Variants in EHD1 observed in about 807,000 individuals in gnomAD.
The protein encoded by EHD1 is EH domain containing 1.
EHD1 carries 19 observed loss-of-function variants against 39.0 expected under a neutral mutation model. The observed-to-expected ratio is 0.49, with a 90% CI of 0.34 to 0.72. EHD1 has a LOEUF of 0.72. Among genes scored for constraint, EHD1 ranks in the 30% least tolerant of loss-of-function variants. EHD1 has a pLI of 0.01. For synonymous variants in EHD1, 323 were observed against 331.2 expected, an observed-to-expected ratio of 0.98 and a Z score of 0.27; for missense variants, 542 against 751.5, an observed-to-expected ratio of 0.72 and a Z score of 3.26.
At chr11:64,859,518 T>TCAAATA (rs1450106528) in intron 3 of EHD1, 1 of 163,536 alleles carries the variant, frequency 6.1e-6, no homozygotes, top group Non-Finnish European at 1.3e-5. Flanking sequence ...AGTCTCCGCT[T>TCAAATA]CAAAAACAAA....
Position 64,855,388 on chromosome 11 carries a change from G to C in EHD1, c.1014C>G (p.Ile338Met). 3 of 1,614,170 alleles carry C rather than the reference G, an allele frequency of 1.9e-6. No individual in the cohort carries two copies. The highest frequency in any genetic ancestry group is 2.5e-6 in the Non-Finnish European group (3 of 1,180,020). ...GGTGCTCGCGCTCAATCTTCTGGTA[G>C]ATCTCTCCGAGGTTGTTCACCAGCT... ...KKELVNNLGE[I>M]YQKIEREHQI... The change falls in exon 4 of 5, where the codon ATC becomes ATG. Residue 338 changes from isoleucine to methionine, a missense_variant. Ile to Met is a conservative substitution (Grantham distance 10). Transcript: ENST00000320631.
chr11:64,859,741 A>T, intron 3 of EHD1, 183 bp downstream of exon 3: 1 of 825,392 alleles, frequency 1.2e-6, no homozygotes, highest in Non-Finnish European at 1.8e-6. Flanking sequence ...AATCTTAGTT[A>T]AGAGCAGGCT....
chr11:64,867,350 C>T (rs565466784), intron 2 of EHD1, among the ~76,000 whole-genome samples: 8 of 150,376 alleles, frequency 5.3e-5, no homozygotes, highest in Non-Finnish European at 1.0e-4. Context: ...ATTTGGGAGG[C>T]AGAGGCTGCA....
chr11:64,878,893 G>A, upstream of EHD1: 2 of 1,042,150 alleles, frequency 1.9e-6, no homozygotes, highest in Non-Finnish European at 2.3e-6. Flanking sequence ...AGGAAGGCGA[G>A]GAGCGGGCGT....
At chr11:64,863,047 T>G (rs1157007811) in intron 2 of EHD1, among the ~76,000 whole-genome samples, 3 of 152,186 alleles carry the variant, frequency 2.0e-5, no homozygotes, top group African/African-American at 4.8e-5. Flanking sequence ...TCTGCCTGAT[T>G]CTGGGCAAGC....
chr11:64,855,160 G>A (rs1943636164), intron 4 of EHD1, 162 bp downstream of exon 4: 2 of 1,179,102 alleles, frequency 1.7e-6, no homozygotes, highest in Non-Finnish European at 2.3e-6. Context: ...GTCACCGCCT[G>A]GGTCAACTCT....
In EHD1 at chr11:64,874,536, C is replaced by A. The variant is rs1003092944; in HGVS notation, c.405-18G>T. 6.3e-7 allele frequency: 1 copy of A among 1,583,182 alleles called. No individual in the cohort carries two copies. Among genetic ancestry groups the A allele is most frequent in the Non-Finnish European group, 8.6e-7 (1 of 1,164,318 alleles). ...ACATGAACCTACATGAGAGCAAGAGCCAGAAGAGAGGCGTCAAGACACAGT... is the reference window on the plus strand; with the variant it reads ...ACATGAACCTACATGAGAGCAAGAGACAGAAGAGAGGCGTCAAGACACAGT... On this transcript the variant is annotated intron_variant, in intron 1 of 4. Coordinates refer to ENST00000320631, the MANE Select transcript of EHD1 (RefSeq NM_006795.4).
chr11:64,860,689 A>AG, intron 2 of EHD1, among the ~76,000 whole-genome samples: 1 of 146,150 alleles, frequency 6.8e-6, no homozygotes, highest in East Asian at 2.0e-4. Flanking sequence ...ACCGCACTCT[A>AG]GCCTGGGTAA....
intron 4 of EHD1, chr11:64,855,118 G>C: frequency 1.1e-6 from 1 of 932,802 alleles, no homozygotes; most frequent in Non-Finnish European, 1.6e-6. Flanking sequence ...CCCCCACCAC[G>C]CAGGGTGAGT....
At chr11:64,863,901 G>A (rs980967664) in intron 2 of EHD1, among the ~76,000 whole-genome samples, 2 of 152,262 alleles carry the variant, frequency 1.3e-5, no homozygotes, top group African/African-American at 4.8e-5. Context: ...GGAGCACTGG[G>A]CCTCCAGCCC....
rs1422999914 is a variant in EHD1, at chr11:64,854,766, G to A, written c.1172C>T (p.Ala391Val). The change falls in exon 5 of 5, where the codon GCG becomes GTG. Residue 391 changes from alanine to valine, a missense_variant. Coordinates refer to ENST00000320631, the MANE Select transcript of EHD1 (RefSeq NM_006795.4). ...TVDDMLANDI[A>V]RLMVMVRQEE... ...CTGCCGCACCATCACCATCAGCCGCGCGATGTCGTTGGCCAGCATGTCATC... is the reference window on the plus strand; with the variant it reads ...CTGCCGCACCATCACCATCAGCCGCACGATGTCGTTGGCCAGCATGTCATC... 8 of 1,609,166 alleles carry A rather than the reference G, an allele frequency of 5.0e-6. No individual in the cohort carries two copies. The highest frequency in any genetic ancestry group is 1.6e-4 in the Middle Eastern group (1 of 6,062).
intron 2 of EHD1, among the ~76,000 whole-genome samples, chr11:64,864,677 C>G (rs939526256): frequency 6.6e-6 from 1 of 152,218 alleles, no homozygotes; most frequent in Non-Finnish European, 1.5e-5. Context: ...CCAGCTTCTC[C>G]CCTTGTCAAA....
At chr11:64,866,586 A>G (rs569948370) in intron 2 of EHD1, among the ~76,000 whole-genome samples, 2 of 152,014 alleles carry the variant, frequency 1.3e-5, no homozygotes, top group East Asian at 3.9e-4. Context: ...CACTGAGGTA[A>G]GAGGATTGTT....
intron 1 of EHD1, 140 bp downstream of exon 1, chr11:64,877,921 G>A: frequency 2.3e-6 from 2 of 885,108 alleles, no homozygotes; most frequent in African/African-American, 1.7e-5. Flanking sequence ...AGGGCCCTTG[G>A]ACCAGGGAGT....
In EHD1 at chr11:64,860,726, A is replaced by G. The variant is rs572328802; in HGVS notation, c.503-390T>C. On this transcript the variant is annotated intron_variant, in intron 2 of 4. Transcript: ENST00000320631. ...AAGAGCAAAACTGTCGCGAAAAAAAAAAAAAAAAGAAAAGGCCAGGCACAG... is the reference window on the plus strand; with the variant it reads ...AAGAGCAAAACTGTCGCGAAAAAAAGAAAAAAAAGAAAAGGCCAGGCACAG... 4.9e-3 allele frequency among the ~76,000 whole-genome samples: 725 copies of G among 149,474 alleles called. 8 individuals are homozygous for G. Among genetic ancestry groups the G allele is most frequent in the African/African-American group, 0.017 (678 of 40,350 alleles).
At position 64,854,855 on chromosome 11, in the gene EHD1, T is replaced by A. The variant is rs189447161; in HGVS notation, c.1083A>T (p.Glu361Asp). Residue 361 changes from glutamate (E) to aspartate (D), a missense_variant and splice_region_variant, in exon 5 of 5, where the codon GAA becomes GAT. Glu to Asp is a conservative substitution (Grantham distance 45, BLOSUM62 2). Coordinates refer to ENST00000320631, the MANE Select transcript of EHD1 (RefSeq NM_006795.4). The stretch of plus-strand genomic sequence containing the variant: ...TGCTGAAGTCCTGGGTCTGCAGGAG[T>A]TCCTGTGGGCGGGGGAGGAAGGACA... ...GDFPSLRKMQ[E>D]LLQTQDFSKF... The A allele has an allele frequency of 6.3e-7, 1 of 1,596,762 alleles. No individual in the cohort carries two copies. The highest frequency in any genetic ancestry group is 1.7e-5 in the Admixed American group (1 of 59,964).
intron 2 of EHD1, among the ~76,000 whole-genome samples, chr11:64,873,527 C>T (rs948980072): frequency 3.3e-5 from 5 of 152,158 alleles, no homozygotes; most frequent in Admixed American, 6.5e-5. Context: ...GGTTCAAAAG[C>T]ATGACAGCCA....
At chr11:64,879,088 G>A (rs1943925907), upstream of EHD1, 2 of 999,206 alleles carry the variant, frequency 2.0e-6, no homozygotes, top group Non-Finnish European at 2.4e-6. Context: ...AGTACCCCCA[G>A]GCGGCGGCAC....
chr11:64,856,403 C>T (rs1484771711), intron 3 of EHD1: 5 of 152,354 alleles, frequency 3.3e-5, no homozygotes, highest in East Asian at 1.9e-4. Context: ...AAGGCTTCTC[C>T]TGGTGGTTGC....
Sources: allele counts gnomAD v4.1 joint callset (sites outside exome capture counted in the v4.1 genomes callset), GRCh38; gene constraint gnomAD v4.1.1; transcripts MANE v1.5; gene names NCBI Gene and HGNC (gene_info 2026-07-23, HGNC 2026-07-21).